RBFOX1: variants seen among roughly 807,000 people sequenced by gnomAD.
RBFOX1 encodes the protein RNA binding fox-1 homolog 1.
A neutral mutation model predicts 57.7 loss-of-function variants in RBFOX1; 8 were observed. The ratio of observed to expected loss-of-function variants is 0.14; its 90% CI spans 0.08 to 0.25. RBFOX1 has a LOEUF of 0.25. Among genes scored for constraint, RBFOX1 ranks in the 10% least tolerant of loss-of-function variants. The pLI, the probability that RBFOX1 is intolerant of heterozygous loss-of-function variation, is 1.00. For synonymous variants in RBFOX1, 326 were observed against 222.4 expected, an observed-to-expected ratio of 1.47 and a Z score of -4.15; for missense variants, 611 against 548.5, an observed-to-expected ratio of 1.11 and a Z score of -1.14.
intron 4 of RBFOX1, among the ~76,000 whole-genome samples, chr16:7,475,163 G>C (rs569592248): frequency 6.6e-6 from 1 of 152,088 alleles, no homozygotes; most frequent in Non-Finnish European, 1.5e-5. Flanking sequence ...AGACATCTCT[G>C]TTCCTTTTAT....
At chr16:5,588,107 C>A (rs368759596) in intron 2 of RBFOX1, among the ~76,000 whole-genome samples, 2 of 151,892 alleles carry the variant, frequency 1.3e-5, no homozygotes, top group Admixed American at 1.3e-4. Flanking sequence ...AAGCCAGGCA[C>A]AAAAGACCAT....
chr16:7,567,184 A>ATATATCCATATATCCCTATATAT (rs373288970), intron 5 of RBFOX1, among the ~76,000 whole-genome samples: 1 of 76,686 alleles, frequency 1.3e-5, no homozygotes, highest in Non-Finnish European at 2.6e-5. Flanking sequence ...TCCCTATATA[A>ATATATCCATATATCCCTATATAT]ATATCCATAT....
At chr16:6,835,356 C>T (rs191420878) in intron 3 of RBFOX1, among the ~76,000 whole-genome samples, 12 of 152,138 alleles carry the variant, frequency 7.9e-5, no homozygotes, top group Admixed American at 5.9e-4. Context: ...ATATTTTACT[C>T]TGCATAATCA....
intron 2 of RBFOX1, among the ~76,000 whole-genome samples, chr16:6,503,443 C>A (rs1299884688): frequency 6.6e-6 from 1 of 152,162 alleles, no homozygotes; most frequent in Non-Finnish European, 1.5e-5. Context: ...GTTCACATTT[C>A]CCTGGGTGGA....
At chr16:5,418,801 G>A (rs1342257406) in intron 1 of RBFOX1, among the ~76,000 whole-genome samples, 2 of 151,970 alleles carry the variant, frequency 1.3e-5, no homozygotes, top group East Asian at 3.9e-4. Flanking sequence ...ACCTACAATA[G>A]TGTGATACCC....
chr16:6,043,120 GA>G (rs570358262), intron 1 of RBFOX1, among the ~76,000 whole-genome samples: 14 of 70,220 alleles, frequency 2.0e-4, no homozygotes, highest in East Asian at 1.1e-3. Context: ...TGTGTTTCCA[GA>G]AAAAAAAAAA....
At chr16:6,982,593 A>G (rs1445592071) in intron 3 of RBFOX1, among the ~76,000 whole-genome samples, 4 of 152,172 alleles carry the variant, frequency 2.6e-5, no homozygotes, top group Non-Finnish European at 5.9e-5. Flanking sequence ...CCATGAGTTG[A>G]ACAGTTGTTT....
chr16:6,337,859 G>T (rs1311031020), intron 2 of RBFOX1, among the ~76,000 whole-genome samples: 2 of 152,172 alleles, frequency 1.3e-5, no homozygotes, highest in Non-Finnish European at 2.9e-5. Context: ...TGTCTGCCTT[G>T]TGAGAAAACA....
At chr16:6,405,402 G>C (rs1484832816) in intron 2 of RBFOX1, among the ~76,000 whole-genome samples, 1 of 152,184 alleles carries the variant, frequency 6.6e-6, no homozygotes, top group Non-Finnish European at 1.5e-5. Context: ...GCATTGGGAA[G>C]TGCACCAAAT....
chr16:7,253,408 A>T (rs766147050), intron 4 of RBFOX1, among the ~76,000 whole-genome samples: 3 of 152,174 alleles, frequency 2.0e-5, no homozygotes, highest in Non-Finnish European at 4.4e-5. Flanking sequence ...CCGGCTTGAC[A>T]ACCCCTCAAC....
chr16:5,438,385 C>T (rs1209275963), intron 1 of RBFOX1, among the ~76,000 whole-genome samples: 2 of 152,128 alleles, frequency 1.3e-5, no homozygotes, highest in African/African-American at 4.8e-5. Context: ...CTGCTTTGTG[C>T]CAGGCACTGT....
intron 2 of RBFOX1, among the ~76,000 whole-genome samples, chr16:5,520,777 A>G (rs1298552273): frequency 2.0e-5 from 3 of 152,230 alleles, no homozygotes; most frequent in East Asian, 1.9e-4. Context: ...GTCTGATAGA[A>G]TGTGAGCAGA....
chr16:6,579,851 G>A (rs1031738065), intron 2 of RBFOX1, among the ~76,000 whole-genome samples: 52 of 152,104 alleles, frequency 3.4e-4, no homozygotes, highest in Non-Finnish European at 1.5e-4. Context: ...CTCCTAAAGT[G>A]CTAGGATTAT....
chr16:7,058,274 C>G (rs539181207), intron 4 of RBFOX1, among the ~76,000 whole-genome samples: 1 of 152,152 alleles, frequency 6.6e-6, no homozygotes, highest in African/African-American at 2.4e-5. Flanking sequence ...CAGAAATGCT[C>G]AGTTTAAACT....
chr16:6,031,362 G>A (rs891924917), intron 1 of RBFOX1, among the ~76,000 whole-genome samples: 1 of 152,240 alleles, frequency 6.6e-6, no homozygotes, highest in Non-Finnish European at 1.5e-5. Context: ...AAAGCCTGCA[G>A]AGGCCAGAAC....
At chr16:6,630,619 C>T (rs116248546) in intron 2 of RBFOX1, among the ~76,000 whole-genome samples, 1 of 152,156 alleles carries the variant, frequency 6.6e-6, no homozygotes, top group Admixed American at 6.5e-5. Context: ...TAGTAGGAAT[C>T]AGAAACCCAA....
intron 4 of RBFOX1, among the ~76,000 whole-genome samples, chr16:5,953,882 A>C (rs1301712859): frequency 1.3e-5 from 2 of 152,132 alleles, no homozygotes; most frequent in Non-Finnish European, 2.9e-5. Context: ...GTATACTTAC[A>C]CTAAAAATGA....
intron 4 of RBFOX1, among the ~76,000 whole-genome samples, chr16:7,435,588 C>A (rs1160080490): frequency 6.6e-6 from 1 of 152,122 alleles, no homozygotes; most frequent in Non-Finnish European, 1.5e-5. Flanking sequence ...TTCAGCAGGA[C>A]CTGGGTAAAG....
At chr16:6,315,500 G>A (rs1007701477) in intron 1 of RBFOX1, among the ~76,000 whole-genome samples, 2 of 151,524 alleles carry the variant, frequency 1.3e-5, no homozygotes, top group Non-Finnish European at 2.9e-5. Flanking sequence ...TAGATAGGTG[G>A]ATGGATGGAT....
Sources: gnomAD v4.1 joint callset for allele counts (sites outside exome capture counted in the v4.1 genomes callset) on GRCh38, gnomAD v4.1.1 for gene constraint, MANE v1.5 for transcripts, NCBI Gene and HGNC (gene_info 2026-07-23, HGNC 2026-07-21) for gene names.